The following ABCC1 variants were observed in gnomAD, a reference collection of about 807,000 sequenced individuals.
ABCC1 encodes ATP binding cassette subfamily C member 1 (ABCC1 blood group), also known as multidrug resistance-associated protein 1.
Under a neutral mutation model 172.9 loss-of-function variants are expected in ABCC1, and 83 were observed. The observed-to-expected ratio is 0.48, with a 90% CI of 0.40 to 0.58. ABCC1 has a LOEUF of 0.58. Among genes scored for constraint, ABCC1 ranks in the 20% least tolerant of loss-of-function variants. The pLI, the probability that ABCC1 is intolerant of heterozygous loss-of-function variation, is 0.00. For missense variants in ABCC1, 1,817 were observed against 2,002.7 expected, an observed-to-expected ratio of 0.91 and a Z score of 1.77; for synonymous variants, 937 against 825.2, an observed-to-expected ratio of 1.14 and a Z score of -2.32.
At chr16:15,985,900 C>T (rs1204083559) in intron 1 of ABCC1, among the ~76,000 whole-genome samples, 1 of 152,122 alleles carries the variant, frequency 6.6e-6, no homozygotes, top group Non-Finnish European at 1.5e-5. Flanking sequence ...TGTCCAGCAT[C>T]AAGAGGCCAC....
chr16:16,092,555 T>C (rs1203231165), intron 19 of ABCC1, among the ~76,000 whole-genome samples: 1 of 152,260 alleles, frequency 6.6e-6, no homozygotes, highest in African/African-American at 2.4e-5. Context: ...TGTAGCTTCA[T>C]TTCCTTTTAT....
intron 19 of ABCC1, among the ~76,000 whole-genome samples, chr16:16,097,118 T>G (rs191296089): frequency 6.6e-6 from 1 of 152,202 alleles, no homozygotes; most frequent in East Asian, 1.9e-4. Context: ...TTTGTTTTGT[T>G]TTGTTTTGTT....
chr16:16,131,315 T>A (rs998728033), intron 26 of ABCC1, among the ~76,000 whole-genome samples: 4 of 152,168 alleles, frequency 2.6e-5, no homozygotes, highest in Non-Finnish European at 5.9e-5. Context: ...TCCTCTCAGT[T>A]TCTGTGCCTT....
At chr16:16,112,997 C>T (rs969928852) in intron 22 of ABCC1, among the ~76,000 whole-genome samples, 13 of 152,146 alleles carry the variant, frequency 8.5e-5, no homozygotes, top group South Asian at 2.1e-4. Flanking sequence ...GGTGTCTTCC[C>T]GATTAAAGAG....
At chr16:15,997,064 C>G (rs929378702) in intron 1 of ABCC1, among the ~76,000 whole-genome samples, 1 of 150,154 alleles carries the variant, frequency 6.7e-6, no homozygotes, top group African/African-American at 2.4e-5. Flanking sequence ...TTGGAGGGAG[C>G]CGGGAGCTGG....
chr16:16,043,285 A>T, intron 7 of ABCC1, among the ~76,000 whole-genome samples: 2 of 74,808 alleles, frequency 2.7e-5, no homozygotes, highest in African/African-American at 5.9e-5. Flanking sequence ...TGTCTTGATG[A>T]TTGTTGTTCT....
In ABCC1 at chr16:16,068,280, T is replaced by C; in HGVS notation, c.1802T>C (p.Met601Thr). ...ILRFPLNILP[M>T]VISSIVQASV... ...CGGTTTCCCCTGAACATTCTCCCCATGGTCATCAGCAGCATCGTGCAGGTA... is the reference window on the plus strand; with the variant it reads ...CGGTTTCCCCTGAACATTCTCCCCACGGTCATCAGCAGCATCGTGCAGGTA... The change falls in exon 13 of 31, where the codon ATG (methionine) becomes ACG (threonine). Residue 601 changes from methionine to threonine, a missense_variant. Physicochemically the swap from Met to Thr is moderately conservative, Grantham distance 81. This residue lies in a region of ABCC1 where 1,412 missense variants were observed against 1,600.3 expected (regional missense o/e 0.88). Coordinates refer to ENST00000399410, the MANE Select transcript of ABCC1 (RefSeq NM_004996.4). 1 of 1,614,028 alleles carries C rather than the reference T, an allele frequency of 6.2e-7. No homozygotes were observed. The highest frequency in any genetic ancestry group is 8.5e-7 in the Non-Finnish European group (1 of 1,179,990).
intron 10 of ABCC1, among the ~76,000 whole-genome samples, chr16:16,052,476 A>G (rs1002190346): frequency 6.6e-6 from 1 of 152,050 alleles, no homozygotes; most frequent in Non-Finnish European, 1.5e-5. Context: ...TGCAAAACTC[A>G]TGTGGCCCCA....
chr16:16,032,702 T>C (rs1442686106), intron 5 of ABCC1, among the ~76,000 whole-genome samples: 2 of 152,188 alleles, frequency 1.3e-5, no homozygotes, highest in South Asian at 4.1e-4. Context: ...TACCCGCTCA[T>C]GAGGTTGTCG....
intron 15 of ABCC1, among the ~76,000 whole-genome samples, chr16:16,078,267 G>T (rs766862799): frequency 2.6e-4 from 39 of 152,160 alleles, no homozygotes; most frequent in Non-Finnish European, 5.4e-4. Context: ...CCCTTCCCTG[G>T]GAGGATGGAA....
intron 1 of ABCC1, among the ~76,000 whole-genome samples, chr16:15,966,213 G>C (rs748088495): frequency 3.9e-5 from 6 of 151,900 alleles, no homozygotes; most frequent in Non-Finnish European, 5.9e-5. Flanking sequence ...AGGAGTTGGA[G>C]ACCAGCATGA....
At chr16:16,082,887 G>A (rs8058920) in intron 16 of ABCC1, among the ~76,000 whole-genome samples, 3,973 of 152,254 alleles carry the variant, frequency 0.026, 88 homozygotes, top group African/African-American at 0.058. Context: ...ACCTCAAGCA[G>A]TCTGCCTGCC....
At chr16:16,070,727 A>G (rs545483593) in intron 13 of ABCC1, among the ~76,000 whole-genome samples, 2 of 152,108 alleles carry the variant, frequency 1.3e-5, no homozygotes, top group African/African-American at 2.4e-5. Context: ...CTTTTTCAGT[A>G]TCCCTCCCTT....
chr16:16,113,067 C>G (rs1596523379), intron 22 of ABCC1, among the ~76,000 whole-genome samples: 1 of 152,278 alleles, frequency 6.6e-6, no homozygotes, highest in South Asian at 2.1e-4. Flanking sequence ...ACAGTGCGCT[C>G]CTGTGGATTG....
intron 13 of ABCC1, among the ~76,000 whole-genome samples, chr16:16,069,215 T>TAA (rs1596456639): frequency 7.1e-6 from 1 of 139,914 alleles, no homozygotes; most frequent in East Asian, 2.1e-4. Context: ...TAAATAAATA[T>TAA]GTTTGAAAAT....
At chr16:16,003,519 G>A (rs55807458) in intron 1 of ABCC1, among the ~76,000 whole-genome samples, 1 of 145,800 alleles carries the variant, frequency 6.9e-6, no homozygotes, top group Middle Eastern at 3.6e-3. Context: ...TGGTGGATGG[G>A]TGGATGAATT....
chr16:16,089,326 C>T (rs2051142130), intron 18 of ABCC1, among the ~76,000 whole-genome samples: 1 of 152,054 alleles, frequency 6.6e-6, no homozygotes, highest in African/African-American at 2.4e-5. Context: ...GCGAATGGAT[C>T]GCTTCAGTTC....
chr16:15,984,448 C>T (rs367845099), intron 1 of ABCC1, among the ~76,000 whole-genome samples: 5 of 146,950 alleles, frequency 3.4e-5, no homozygotes, highest in African/African-American at 7.5e-5. Flanking sequence ...TTGATATATA[C>T]TTTTTTTTTT....
chr16:15,953,214 T>C (rs1185969490), intron 1 of ABCC1, among the ~76,000 whole-genome samples: 1 of 152,004 alleles, frequency 6.6e-6, no homozygotes, highest in Non-Finnish European at 1.5e-5. Context: ...TTCACGCCTG[T>C]AATTCCAGCT....
Sources: allele counts gnomAD v4.1 joint callset (sites outside exome capture counted in the v4.1 genomes callset), GRCh38; gene constraint gnomAD v4.1.1; regional missense constraint gnomAD v4.1.1; transcripts MANE v1.5; gene names NCBI Gene and HGNC (gene_info 2026-07-23, HGNC 2026-07-21).